GATAD2A: variants seen among roughly 807,000 people sequenced by gnomAD.
The protein encoded by GATAD2A is GATA zinc finger domain containing 2A.
In GATAD2A, 12 loss-of-function variants were observed where a neutral mutation model predicts 68.5. The ratio of observed to expected loss-of-function variants is 0.18; its 90% CI spans 0.11 to 0.28. GATAD2A has a LOEUF of 0.28. Ranked by LOEUF, GATAD2A falls within the 10% of genes least tolerant of loss-of-function variation. The pLI is 1.00. For missense variants in GATAD2A, 755 were observed against 868.5 expected (o/e 0.87, Z 1.64); for synonymous variants, 410 against 375.3 (o/e 1.09, Z -1.07).
chr19:19,495,656 C>T (rs1280507410), intron 5 of GATAD2A, 98 bp from the exon 6 acceptor site: 5 of 537,006 alleles, frequency 9.3e-6, no homozygotes, highest in Non-Finnish European at 1.1e-5. Context: ...AAAAAAAAAA[C>T]TAGTATGTAC....
At chr19:19,403,129 A>T (rs1568698099), upstream of GATAD2A, among the ~76,000 whole-genome samples, 1 of 152,140 alleles carries the variant, frequency 6.6e-6, no homozygotes, top group Non-Finnish European at 1.5e-5. Flanking sequence ...TTTAGAAAAC[A>T]TGGTTCTAGC....
At position 19,505,715 on chromosome 19, in the gene GATAD2A, GC is replaced by G; in HGVS notation, c.*242del. The stretch of plus-strand genomic sequence containing the variant: ...CATCGCTGGGGGACCTTTCCCGTGG[GC>G]TTTCTTCCTTTCTCTCTTTGCCTTT... On this transcript the variant is annotated 3_prime_UTR_variant, in exon 12 of 12. Coordinates refer to ENST00000683918, the MANE Select transcript of GATAD2A (RefSeq NM_001384528.1). 2.1e-6 allele frequency: 1 copy of G among 474,368 alleles called. No homozygotes were observed. The highest frequency in any genetic ancestry group is 2.0e-5 in the African/African-American group (1 of 49,152). 29.4% of individuals were successfully genotyped at this position (474,368 alleles called of 1,614,324 possible).
At chr19:19,459,275 C>T (rs1040222891) in intron 1 of GATAD2A, among the ~76,000 whole-genome samples, 6 of 152,038 alleles carry the variant, frequency 3.9e-5, no homozygotes, top group African/African-American at 1.4e-4. Flanking sequence ...TCTTAATAAT[C>T]TACTCTTCAG....
chr19:19,461,137 T>C (rs2147959877), intron 1 of GATAD2A, among the ~76,000 whole-genome samples: 1 of 152,312 alleles, frequency 6.6e-6, no homozygotes, highest in African/African-American at 2.4e-5. Flanking sequence ...GAAAGACGCC[T>C]AAAATCCACC....
chr19:19,424,735 G>C (rs1011126365), intron 1 of GATAD2A, among the ~76,000 whole-genome samples: 2 of 152,180 alleles, frequency 1.3e-5, no homozygotes, highest in African/African-American at 4.8e-5. Context: ...CAGAGGCAGC[G>C]ACTGTGCTGT....
intron 2 of GATAD2A, among the ~76,000 whole-genome samples, chr19:19,473,774 TAAAAAAA>T (rs1192789940): frequency 1.6e-5 from 2 of 123,382 alleles, no homozygotes; most frequent in African/African-American, 3.0e-5. Context: ...CGTCTCTACT[TAAAAAAA>T]AAAAAAAAAA....
chr19:19,490,698 A>G (rs1477583362), intron 2 of GATAD2A, among the ~76,000 whole-genome samples: 2 of 152,242 alleles, frequency 1.3e-5, no homozygotes, highest in East Asian at 1.9e-4. Flanking sequence ...CCTGGCCAGC[A>G]TGGTGAAACC....
chr19:19,506,705 G>T lies in GATAD2A; in HGVS notation c.*1231G>T, dbSNP rs1257394251. ...TTAGTTTCATTTTTGTTTCTTTCCC[G>T]TCCCACTCTTTAAAAACTGGTTCCG... On this transcript the variant is annotated 3_prime_UTR_variant, in exon 12 of 12. Coordinates refer to ENST00000683918, the MANE Select transcript of GATAD2A (RefSeq NM_001384528.1). 6.6e-6 allele frequency: 1 copy of T among 150,764 alleles called. No homozygotes were observed. Among genetic ancestry groups the T allele is most frequent in the Admixed American group, 6.6e-5 (1 of 15,096 alleles). 9.3% of individuals were successfully genotyped at this position (150,764 alleles called of 1,614,324 possible). A position where few individuals can be genotyped will look rare whatever the true frequency, so the allele number is the denominator to read the frequency against.
rs144131863 is a variant in GATAD2A, at chr19:19,388,126, T to C, written c.-7+1988T>C. 5.0e-3 allele frequency among the ~76,000 whole-genome samples: 765 copies of C among 151,632 alleles called. 6 individuals carry two copies. The highest frequency in any genetic ancestry group is 0.039 in the South Asian group (187 of 4,758). ...GGCTGGAGTGCAATGGTGTGATCTC[T>C]GGCTCACCGCAACCTCCGCCTCCTG... On this transcript the variant is annotated intron_variant, in intron 1 of 11. Coordinates refer to the GATAD2A transcript ENST00000360315.
chr19:19,438,420 C>T, intron 1 of GATAD2A, among the ~76,000 whole-genome samples: 1 of 152,326 alleles, frequency 6.6e-6, no homozygotes, highest in South Asian at 2.1e-4. Context: ...AGCTCACCCC[C>T]TTTGTTGAGG....
intron 1 of GATAD2A, among the ~76,000 whole-genome samples, chr19:19,424,931 T>C (rs969686383): frequency 1.3e-5 from 2 of 151,838 alleles, no homozygotes; most frequent in Non-Finnish European, 2.9e-5. Flanking sequence ...CTGGGCAACA[T>C]AGTGAGATCC....
chr19:19,399,489 C>T (rs1033153220), intron 1 of GATAD2A, among the ~76,000 whole-genome samples: 4 of 152,172 alleles, frequency 2.6e-5, no homozygotes, highest in Non-Finnish European at 5.9e-5. Context: ...CCTCGCCCAG[C>T]CAATTTTTAA....
At chr19:19,487,644 A>G (rs1232399348) in intron 2 of GATAD2A, among the ~76,000 whole-genome samples, 5 of 152,092 alleles carry the variant, frequency 3.3e-5, no homozygotes, top group African/African-American at 1.2e-4. Context: ...ACCCCGAGGC[A>G]AGGGGACAGG....
At chr19:19,496,283 AC>A in intron 7 of GATAD2A, 64 bp downstream of exon 7, 4 of 1,452,866 alleles carry the variant, frequency 2.8e-6, no homozygotes, top group South Asian at 1.1e-5. Context: ...CTCCCCTTGG[AC>A]CCAGGTTCTG....
At chr19:19,452,505 G>A (rs1286569209) in intron 1 of GATAD2A, among the ~76,000 whole-genome samples, 1 of 152,118 alleles carries the variant, frequency 6.6e-6, no homozygotes, top group Non-Finnish European at 1.5e-5. Context: ...CCAGGCAGAA[G>A]GCTTAGAGAA....
intron 1 of GATAD2A, among the ~76,000 whole-genome samples, chr19:19,459,586 A>G (rs1312203681): frequency 2.0e-5 from 3 of 152,222 alleles, no homozygotes; most frequent in African/African-American, 7.2e-5. Context: ...TTGACTGTTT[A>G]GAATTTGAGA....
At chr19:19,504,592 A>G (rs1366192181) in intron 11 of GATAD2A, among the ~76,000 whole-genome samples, 3 of 151,314 alleles carry the variant, frequency 2.0e-5, no homozygotes, top group Non-Finnish European at 1.5e-5. Flanking sequence ...GTTTGAGACC[A>G]GTAAACAACA....
chr19:19,436,289 T>A, intron 1 of GATAD2A: 1 of 829,932 alleles, frequency 1.2e-6, no homozygotes, highest in Non-Finnish European at 1.9e-6. Flanking sequence ...GTCAGCTTCT[T>A]GGACACTTTA....
At chr19:19,478,226 A>G (rs1049802821) in intron 2 of GATAD2A, among the ~76,000 whole-genome samples, 1 of 151,996 alleles carries the variant, frequency 6.6e-6, no homozygotes, top group African/African-American at 2.4e-5. Context: ...AAGCACTGGC[A>G]CCTCCCCTTT....
Sources: allele counts gnomAD v4.1 joint callset (sites outside exome capture counted in the v4.1 genomes callset), GRCh38; gene constraint gnomAD v4.1.1; transcripts MANE v1.5; gene names NCBI Gene and HGNC (gene_info 2026-07-23, HGNC 2026-07-21).